Variants in PCDH15 observed in about 807,000 individuals in gnomAD.
PCDH15 encodes protocadherin related 15, also known as protocadherin-15.
A neutral mutation model predicts 178.5 loss-of-function variants in PCDH15; 129 were observed. The observed-to-expected ratio is 0.72, with a 90% CI of 0.63 to 0.84. PCDH15 has a LOEUF of 0.84. Among genes scored for constraint, PCDH15 ranks in the 40% least tolerant of loss-of-function variants. The probability of loss-of-function intolerance (pLI) is 0.00; values close to 1 mark genes in which losing one functional copy is unlikely to be tolerated. For synonymous variants in PCDH15, 800 were observed against 732.0 expected, an observed-to-expected ratio of 1.09 and a Z score of -1.50; for missense variants, 2,230 against 2,099.9, an observed-to-expected ratio of 1.06 and a Z score of -1.21.
At chr10:54,716,198 G>A (rs2095477823) in intron 1 of PCDH15, among the ~76,000 whole-genome samples, 5 of 152,136 alleles carry the variant, frequency 3.3e-5, no homozygotes, top group Admixed American at 3.3e-4. Flanking sequence ...TAAGGAGGAA[G>A]GTGATACCAC....
chr10:54,152,033 C>T (rs183924757), intron 14 of PCDH15, among the ~76,000 whole-genome samples: 1 of 152,172 alleles, frequency 6.6e-6, no homozygotes, highest in East Asian at 1.9e-4. Context: ...ATAATAAATG[C>T]AACATCTCAA....
chr10:54,485,907 A>G (rs1342309), intron 3 of PCDH15, among the ~76,000 whole-genome samples: 37,625 of 151,942 alleles, frequency 0.25, 6,094 homozygotes, highest in African/African-American at 0.46. Flanking sequence ...TAATATTAGA[A>G]GTTGGGGCAA....
intron 25 of PCDH15, 70 bp downstream of exon 25, chr10:53,938,745 G>A: frequency 6.8e-7 from 1 of 1,468,440 alleles, no homozygotes; most frequent in Non-Finnish European, 9.4e-7. Context: ...TTTAGACATA[G>A]GTATTTCATT....
intron 2 of PCDH15, among the ~76,000 whole-genome samples, chr10:55,509,916 T>A (rs1021729141): frequency 6.6e-6 from 1 of 151,920 alleles, no homozygotes; most frequent in African/African-American, 2.4e-5. Flanking sequence ...GTTTTATTCA[T>A]GAAGAAATAG....
chr10:54,995,784 A>G (rs1187314644), intron 2 of PCDH15, among the ~76,000 whole-genome samples: 1 of 151,960 alleles, frequency 6.6e-6, no homozygotes, highest in African/African-American at 2.4e-5. Context: ...CATCTGGACG[A>G]TGAGATACTA....
At chr10:54,330,444 T>C (rs1939253172) in intron 6 of PCDH15, among the ~76,000 whole-genome samples, 1 of 151,912 alleles carries the variant, frequency 6.6e-6, no homozygotes, top group Admixed American at 6.6e-5. Flanking sequence ...AAAGGTATAG[T>C]AGAAATACAA....
chr10:55,023,187 C>T (rs537778622), intron 2 of PCDH15, among the ~76,000 whole-genome samples: 55 of 152,250 alleles, frequency 3.6e-4, no homozygotes, highest in African/African-American at 1.2e-3. Context: ...GTGATCTGCC[C>T]GGCCTCTGCC....
intron 9 of PCDH15, among the ~76,000 whole-genome samples, chr10:54,219,433 A>C (rs2052519378): frequency 6.6e-6 from 1 of 150,638 alleles, no homozygotes; most frequent in South Asian, 2.1e-4. Context: ...TACTAAAAAT[A>C]CAAAAAAAAA....
intron 25 of PCDH15, among the ~76,000 whole-genome samples, chr10:53,927,525 G>A (rs922342717): frequency 6.6e-6 from 1 of 151,916 alleles, no homozygotes. Context: ...GAAAATATAT[G>A]GTTAATTATA....
intron 4 of PCDH15, among the ~76,000 whole-genome samples, chr10:54,378,557 T>C (rs543525645): frequency 1.3e-5 from 2 of 152,074 alleles, no homozygotes; most frequent in Admixed American, 1.3e-4. Context: ...TGTTCAGAAA[T>C]TGACAAGCTT....
rs773372419 is a variant in PCDH15 at position 53,831,108 on chromosome 10, T to G, written c.4202+207A>C. 17 of 759,320 alleles carry G rather than the reference T, an allele frequency of 2.2e-5. No individual in the cohort carries two copies. The African/African-American group carries it at 2.5e-4, about 11-fold the overall frequency. 47.0% of individuals were successfully genotyped at this position (759,320 alleles called of 1,614,324 possible). On this transcript the variant is annotated intron_variant, in intron 30 of 37. Transcript: ENST00000644397. Reference sequence around the variant, plus strand: ...AGAGACCGAATTAGAATCACAGGAATATTGGGCCATCAGTGAAAAATGTAC... The same window carrying G: ...AGAGACCGAATTAGAATCACAGGAAGATTGGGCCATCAGTGAAAAATGTAC...
chr10:53,871,677 C>T (rs1010411796), intron 26 of PCDH15, among the ~76,000 whole-genome samples: 1 of 152,062 alleles, frequency 6.6e-6, no homozygotes, highest in African/African-American at 2.4e-5. Flanking sequence ...TATAACTCTA[C>T]TTTTCTTAAT....
In PCDH15 at chr10:54,002,833, A is replaced by C. The variant is rs957715436; in HGVS notation, c.2752-7068T>G. 3.9e-5 allele frequency among the ~76,000 whole-genome samples: 6 copies of C among 152,238 alleles called. No individual in the cohort carries two copies. In the East Asian group the frequency reaches 1.2e-3, roughly 29 times the overall value. On this transcript the variant is annotated intron_variant, in intron 20 of 37. Coordinates refer to ENST00000644397, the MANE Select transcript of PCDH15 (RefSeq NM_001384140.1). ...AAAAAAGAGCCACTCTCAATGGACA[A>C]AAAGAAAGAAAGGGGAGGGGGTAAC...
intron 2 of PCDH15, among the ~76,000 whole-genome samples, chr10:55,535,987 T>C (rs1841570940): frequency 6.6e-6 from 1 of 152,054 alleles, no homozygotes; most frequent in African/African-American, 2.4e-5. Context: ...ATATATATTT[T>C]GAATTATTGC....
At chr10:55,163,410 A>C in intron 2 of PCDH15, among the ~76,000 whole-genome samples, 1 of 152,300 alleles carries the variant, frequency 6.6e-6, no homozygotes. Context: ...CCACAGCCTC[A>C]GATTTATACA....
At chr10:54,725,225 T>C (rs1942305467) in intron 1 of PCDH15, among the ~76,000 whole-genome samples, 1 of 151,222 alleles carries the variant, frequency 6.6e-6, no homozygotes, top group South Asian at 2.1e-4. Flanking sequence ...ATATTAATAT[T>C]ACTAATTTGT....
At chr10:54,422,610 C>T (rs1955682449) in intron 3 of PCDH15, among the ~76,000 whole-genome samples, 1 of 152,140 alleles carries the variant, frequency 6.6e-6, no homozygotes, top group Non-Finnish European at 1.5e-5. Context: ...TGTACCTCCT[C>T]CTCTCCAAGT....
intron 8 of PCDH15, among the ~76,000 whole-genome samples, chr10:54,238,675 TCTCACA>T (rs1167212044): frequency 2.8e-5 from 4 of 142,748 alleles, no homozygotes; most frequent in African/African-American, 8.6e-5. Flanking sequence ...TCTCTCTCTC[TCTCACA>T]CACACACACA....
chr10:55,452,779 T>G (rs1260194509), intron 2 of PCDH15, among the ~76,000 whole-genome samples: 2 of 152,090 alleles, frequency 1.3e-5, no homozygotes, highest in Non-Finnish European at 2.9e-5. Context: ...AAAACTAGTG[T>G]TGTTGGGTGA....
Sources: gnomAD v4.1 joint callset for allele counts (sites outside exome capture counted in the v4.1 genomes callset) on GRCh38, gnomAD v4.1.1 for gene constraint, MANE v1.5 for transcripts, NCBI Gene and HGNC (gene_info 2026-07-23, HGNC 2026-07-21) for gene names.